The following LETM1 variants were observed in gnomAD, a reference collection of about 807,000 sequenced individuals.
LETM1 encodes the protein mitochondrial proton/calcium exchanger protein.
Under a neutral mutation model 74.5 loss-of-function variants are expected in LETM1, and 50 were observed. The observed-to-expected ratio is 0.67, with a 90% CI of 0.53 to 0.85. The LOEUF (loss-of-function observed/expected upper bound fraction) is 0.85, where lower values mean the gene tolerates loss of function less well. LETM1 is among the 40% of genes least tolerant of loss of function. The probability of loss-of-function intolerance (pLI) is 0.00; values close to 1 mark genes in which losing one functional copy is unlikely to be tolerated. For missense variants in LETM1, 824 were observed against 967.8 expected, an observed-to-expected ratio of 0.85 and a Z score of 1.97; for synonymous variants, 446 against 407.1, an observed-to-expected ratio of 1.10 and a Z score of -1.15.
intron 8 of LETM1, 150 bp downstream of exon 8, chr4:1,823,494 G>T (rs1711867638): frequency 1.1e-6 from 1 of 873,340 alleles, no homozygotes; most frequent in South Asian, 1.6e-5. Flanking sequence ...AAGGGGACAG[G>T]TGGCTGGGTG....
chr4:1,828,608 T>C lies in LETM1; in HGVS notation c.1081-2925A>G, dbSNP rs577427402. 5.6e-3 allele frequency among the ~76,000 whole-genome samples: 581 copies of C among 103,104 alleles called. 26 individuals are homozygous for C. The highest frequency in any genetic ancestry group is 0.024 in the African/African-American group (539 of 22,404). 67.6% of individuals were successfully genotyped at this position (103,104 alleles called of 152,430 possible). On this transcript the variant is annotated intron_variant, in intron 6 of 13. Transcript: ENST00000302787. Reference sequence around the variant, plus strand: ...GGGGCGGCTGGCCGGGCAGAGGGGCTCCTCACTTCCCAGTAGGGGCGGCCG... The same window carrying C: ...GGGGCGGCTGGCCGGGCAGAGGGGCCCCTCACTTCCCAGTAGGGGCGGCCG...
chr4:1,828,059 C>A (rs1712070926), intron 6 of LETM1, among the ~76,000 whole-genome samples: 1 of 140,536 alleles, frequency 7.1e-6, no homozygotes, highest in Admixed American at 6.8e-5. Context: ...ACCCCCCCCA[C>A]CTCCCTCCCG....
At chr4:1,815,382 G>A (rs1480166052) in intron 13 of LETM1, among the ~76,000 whole-genome samples, 1 of 152,220 alleles carries the variant, frequency 6.6e-6, no homozygotes, top group African/African-American at 2.4e-5. Flanking sequence ...CACCCCCCCG[G>A]CTCCCCAGTG....
chr4:1,848,247 T>C (rs1712948748), intron 2 of LETM1, among the ~76,000 whole-genome samples: 3 of 151,500 alleles, frequency 2.0e-5, no homozygotes, highest in East Asian at 2.0e-4. Flanking sequence ...CTAATAAAAA[T>C]ACAAAAATTA....
In LETM1 at chr4:1,811,496, T is replaced by C. The variant is rs1340873920; in HGVS notation, c.*2928A>G. The C allele has an allele frequency of 6.6e-6, 1 of 152,424 alleles. No homozygotes were observed. The highest frequency in any genetic ancestry group is 1.9e-4 in the East Asian group (1 of 5,342). 9.4% of individuals were successfully genotyped at this position (152,424 alleles called of 1,614,324 possible). A position where few individuals can be genotyped will look rare whatever the true frequency, so the allele number is the denominator to read the frequency against. On this transcript the variant is annotated 3_prime_UTR_variant, in exon 14 of 14. Coordinates refer to ENST00000302787, the MANE Select transcript of LETM1 (RefSeq NM_012318.3). Reference sequence around the variant, plus strand: ...CTGCACTGTTACAGGAACACAGATTTGATGTTTTAATAAAAATACGATTTC... The same window carrying C: ...CTGCACTGTTACAGGAACACAGATTCGATGTTTTAATAAAAATACGATTTC...
In LETM1 at chr4:1,814,457, C is replaced by T. The variant is rs149588194; in HGVS notation, c.2187G>A (p.Lys729=). The part of the protein sequence containing the change: ...KVEEKEKAKE[K]AEKEVAEVKS The stretch of plus-strand genomic sequence containing the variant: ...TCACCTCTGCGACCTCCTTCTCTGC[C>T]TTCTCTTTGGCCTTCTCCTTCTCCT... Residue 729 remains lysine, a synonymous_variant, in exon 14 of 14, where the codon AAG becomes AAA. Coordinates refer to ENST00000302787, the MANE Select transcript of LETM1 (RefSeq NM_012318.3). 5 of 1,614,086 alleles carry T rather than the reference C, an allele frequency of 3.1e-6. No individual in the cohort carries two copies. Among genetic ancestry groups the T allele is most frequent in the Non-Finnish European group, 3.4e-6 (4 of 1,179,998 alleles).
intron 6 of LETM1, among the ~76,000 whole-genome samples, chr4:1,829,405 C>G (rs1403289718): frequency 6.6e-6 from 1 of 152,188 alleles, no homozygotes. Context: ...GCTGACCCCC[C>G]AACCTCCCTC....
At chr4:1,832,666 G>T in intron 6 of LETM1, 78 bp downstream of exon 6, 2 of 1,378,398 alleles carry the variant, frequency 1.5e-6, no homozygotes, top group Non-Finnish European at 2.1e-6. Flanking sequence ...TTTCTACAAT[G>T]AGGACATGCT....
intron 3 of LETM1, 129 bp downstream of exon 3, chr4:1,841,218 G>A (rs1482676358): frequency 3.9e-6 from 3 of 778,826 alleles, no homozygotes; most frequent in Non-Finnish European, 6.1e-6. Context: ...GGTGGCACAT[G>A]CCTGTGGTCC....
intron 1 of LETM1, 52 bp downstream of exon 1, chr4:1,855,817 T>C: frequency 1.8e-6 from 2 of 1,100,818 alleles, no homozygotes; most frequent in Non-Finnish European, 2.3e-6. Flanking sequence ...TCGTCCGCGC[T>C]CCCGACCCAC....
In LETM1 at chr4:1,819,490, A is replaced by G; in HGVS notation, c.1609-18T>C. The stretch of plus-strand genomic sequence containing the variant: ...TCTTCCTCCTGGGATAAAAATGGGC[A>G]AACAACAAAGCCTGAGCCAAGGGAA... On this transcript the variant is annotated intron_variant, in intron 10 of 13. Coordinates refer to ENST00000302787, the MANE Select transcript of LETM1 (RefSeq NM_012318.3). The G allele has an allele frequency of 6.2e-7, 1 of 1,607,794 alleles. No homozygotes were observed. The highest frequency in any genetic ancestry group is 8.5e-7 in the Non-Finnish European group (1 of 1,176,938).
At chr4:1,853,747 C>G (rs191513367) in intron 1 of LETM1, among the ~76,000 whole-genome samples, 20 of 152,294 alleles carry the variant, frequency 1.3e-4, no homozygotes, top group Admixed American at 3.9e-4. Flanking sequence ...ACTGTGACAA[C>G]GAACCCTACT....
chr4:1,833,130 G>T (rs1712339281), intron 5 of LETM1, 183 bp from the exon 6 acceptor site: 3 of 597,236 alleles, frequency 5.0e-6, no homozygotes, highest in Admixed American at 2.9e-5. Flanking sequence ...GGAATGCAGT[G>T]GTGTAATCTC....
At position 1,834,902 on chromosome 4, in the gene LETM1, C is replaced by T. The variant is rs1712409009; in HGVS notation, c.819G>A (p.Leu273=). The change falls in exon 5 of 14, where the codon TTG becomes TTA. Residue 273 remains leucine (L), a synonymous_variant. Transcript: ENST00000302787. This position sits in a 1 kb window ranked among gnomAD's most constrained non-coding sequence, Gnocchi z 5.0. ...FLQDTIEEMA[L]KNKAAKGSAT... is the part of the protein sequence containing the mutation. ...CGCTGCCCTTGGCTGCCTTGTTCTT[C>T]AAGGCCATCTCCTCGATGGTGTCCT... The T allele has an allele frequency of 1.9e-6, 3 of 1,614,208 alleles. No homozygotes were observed. In the East Asian group the frequency reaches 6.7e-5, roughly 36 times the overall value.
Position 1,841,479 on chromosome 4 carries a change from C to G in LETM1, c.462G>C (p.Gly154=), listed in dbSNP as rs771660979. ...GCTTCAGCTCGTCCAGCACCCGCTG[C>G]CCCAGGGACTTCTTCACCACCACCT... ...PAEVVVKKSL[G]QRVLDELKHY... is the part of the protein sequence containing the mutation. The change falls in exon 3 of 14, where the codon GGG becomes GGC. Residue 154 remains glycine (G), a synonymous_variant. Transcript: ENST00000302787. The G allele has an allele frequency of 6.2e-7, 1 of 1,614,250 alleles. No homozygotes were observed. The highest frequency in any genetic ancestry group is 8.5e-7 in the Non-Finnish European group (1 of 1,180,048).
intron 3 of LETM1, among the ~76,000 whole-genome samples, chr4:1,841,067 C>T (rs990023168): frequency 7.9e-5 from 12 of 152,298 alleles, no homozygotes; most frequent in Admixed American, 3.3e-4. Context: ...AATTTGGGCA[C>T]GGCCCAGCAC....
intron 3 of LETM1, among the ~76,000 whole-genome samples, chr4:1,839,122 G>C (rs545708754): frequency 6.6e-6 from 1 of 152,254 alleles, no homozygotes; most frequent in South Asian, 2.1e-4. Context: ...CTGAAACAAA[G>C]ACAGAAAATG....
Position 1,813,801 on chromosome 4 carries a change from C to A in LETM1, c.*623G>T, listed in dbSNP as rs1722535350. On this transcript the variant is annotated 3_prime_UTR_variant, in exon 14 of 14. Coordinates refer to ENST00000302787, the MANE Select transcript of LETM1 (RefSeq NM_012318.3). ...AAAGCCGAGAAAGAGCTCCGATACA[C>A]AAGGGAAACCGCACGTGAGAACCAG... 6.5e-6 allele frequency: 1 copy of A among 153,658 alleles called. No individual in the cohort carries two copies. Among genetic ancestry groups the A allele is most frequent in the African/African-American group, 2.4e-5 (1 of 41,438 alleles). 9.5% of individuals were successfully genotyped at this position (153,658 alleles called of 1,614,324 possible). A position where few individuals can be genotyped will look rare whatever the true frequency, so the allele number is the denominator to read the frequency against.
intron 11 of LETM1, among the ~76,000 whole-genome samples, chr4:1,819,011 G>A (rs1040494184): frequency 2.0e-5 from 3 of 151,784 alleles, no homozygotes; most frequent in Non-Finnish European, 4.4e-5. Context: ...TTGAACCCAG[G>A]AGGTGGAGGT....
Sources: gnomAD v4.1 joint callset for allele counts (sites outside exome capture counted in the v4.1 genomes callset) on GRCh38, gnomAD v4.1.1 for gene constraint, Gnocchi (gnomAD v3.1) non-coding constraint, MANE v1.5 for transcripts, NCBI Gene and HGNC (gene_info 2026-07-23, HGNC 2026-07-21) for gene names.